Variants in PLCG2 observed in about 807,000 individuals in gnomAD.
PLCG2 encodes the protein 1-phosphatidylinositol 4,5-bisphosphate phosphodiesterase gamma-2.
PLCG2 carries 69 observed loss-of-function variants against 175.6 expected under a neutral mutation model. The ratio of observed to expected loss-of-function variants is 0.39; its 90% CI spans 0.32 to 0.48. PLCG2 has a LOEUF of 0.48. Among genes scored for constraint, PLCG2 ranks in the 20% least tolerant of loss-of-function variants. PLCG2 has a pLI of 0.91. For synonymous variants in PLCG2, 827 were observed against 624.0 expected (o/e 1.33, Z -4.85); for missense variants, 1,798 against 1,650.9 (o/e 1.09, Z -1.54).
chr16:81,768,484 C>T (rs112266520), intron 2 of PLCG2, among the ~76,000 whole-genome samples: 2,489 of 150,770 alleles, frequency 0.017, 63 homozygotes, highest in African/African-American at 0.057. Flanking sequence ...TGTTTTCCAA[C>T]GAGGCTGCAC....
chr16:81,743,015 G>C (rs574043246), intron 1 of PLCG2, among the ~76,000 whole-genome samples: 1 of 152,304 alleles, frequency 6.6e-6, no homozygotes, highest in African/African-American at 2.4e-5. Context: ...AGAAGAACCA[G>C]TCTAGCTGGG....
At chr16:81,939,153 T>C (rs1910836731) in intron 29 of PLCG2, among the ~76,000 whole-genome samples, 1 of 152,130 alleles carries the variant, frequency 6.6e-6, no homozygotes, top group African/African-American at 2.4e-5. Flanking sequence ...GAATCGTAGG[T>C]GAGGCCCTGA....
At chr16:81,905,597 G>C in intron 15 of PLCG2, 90 bp downstream of exon 15, 1 of 760,560 alleles carries the variant, frequency 1.3e-6, no homozygotes, top group Non-Finnish European at 2.3e-6. Context: ...GAATACGCCT[G>C]TCTTGTTCCC....
At chr16:81,878,281 GC>G (rs1166345526) in intron 7 of PLCG2, among the ~76,000 whole-genome samples, 1 of 151,688 alleles carries the variant, frequency 6.6e-6, no homozygotes, top group Non-Finnish European at 1.5e-5. Context: ...ACCGTGCCCG[GC>G]CCAAATCTCC....
At chr16:81,858,438 G>GGA in intron 4 of PLCG2, 82 bp downstream of exon 4, 4 of 580,344 alleles carry the variant, frequency 6.9e-6, no homozygotes, top group Admixed American at 3.3e-5. Flanking sequence ...CTACAGGGGG[G>GGA]AAAAAAAAAA....
At chr16:81,924,245 C>T (rs1000103541) in intron 22 of PLCG2, among the ~76,000 whole-genome samples, 1 of 152,248 alleles carries the variant, frequency 6.6e-6, no homozygotes, top group African/African-American at 2.4e-5. Context: ...TGACTTCTGT[C>T]TGAGAGCAAT....
chr16:81,765,918 G>A (rs921386870), intron 2 of PLCG2, among the ~76,000 whole-genome samples: 1 of 152,246 alleles, frequency 6.6e-6, no homozygotes, highest in Non-Finnish European at 1.5e-5. Context: ...CCCCCACAGG[G>A]AGCTAACTCT....
chr16:81,831,607 A>G (rs1391355195), intron 2 of PLCG2, among the ~76,000 whole-genome samples: 3 of 152,144 alleles, frequency 2.0e-5, no homozygotes, highest in African/African-American at 7.2e-5. Context: ...GCTGGGAAAG[A>G]GGGAGGCAGG....
chr16:81,748,708 C>T (rs1448317296), intron 1 of PLCG2, among the ~76,000 whole-genome samples: 1 of 152,172 alleles, frequency 6.6e-6, no homozygotes, highest in Non-Finnish European at 1.5e-5. Flanking sequence ...ACCCCAGACT[C>T]GGATCTCCTA....
chr16:81,854,805 A>G (rs41303769), intron 3 of PLCG2, among the ~76,000 whole-genome samples: 68 of 152,254 alleles, frequency 4.5e-4, no homozygotes, highest in Non-Finnish European at 8.5e-4. Context: ...TGGGGAGAAT[A>G]ATAATGCCTA....
intron 30 of PLCG2, 57 bp from the exon 31 acceptor site, chr16:81,946,118 A>T: frequency 7.2e-7 from 1 of 1,383,594 alleles, no homozygotes; most frequent in Non-Finnish European, 1.0e-6. Flanking sequence ...TCCAAAAAAA[A>T]TCTAAGGTCT....
chr16:81,777,548 T>G (rs1375122204), upstream of PLCG2, among the ~76,000 whole-genome samples: 3 of 152,058 alleles, frequency 2.0e-5, no homozygotes, highest in Admixed American at 2.0e-4. Flanking sequence ...AATGAGTCCT[T>G]CCAAGATCTC....
chr16:81,786,755 A>T (rs1248238573), intron 2 of PLCG2, among the ~76,000 whole-genome samples: 2 of 152,170 alleles, frequency 1.3e-5, no homozygotes, highest in Admixed American at 1.3e-4. Context: ...AGTTTCTAAG[A>T]CTGTTTTTAA....
chr16:81,806,715 G>A (rs1904282924), intron 2 of PLCG2, among the ~76,000 whole-genome samples: 3 of 152,114 alleles, frequency 2.0e-5, no homozygotes. Flanking sequence ...GTGTGGGGCT[G>A]GGGACATGGA....
At chr16:81,924,820 C>T (rs927005062) in intron 22 of PLCG2, among the ~76,000 whole-genome samples, 1 of 152,240 alleles carries the variant, frequency 6.6e-6, no homozygotes, top group African/African-American at 2.4e-5. Flanking sequence ...GCCTCTGATG[C>T]TTCCCCTTGG....
chr16:81,954,495 T>C (rs1357673607), intron 31 of PLCG2, among the ~76,000 whole-genome samples: 1 of 152,164 alleles, frequency 6.6e-6, no homozygotes, highest in African/African-American at 2.4e-5. Flanking sequence ...CCCACATGCA[T>C]TCCCCATCCG....
At chr16:81,794,467 CT>C (rs1911376322) in intron 2 of PLCG2, among the ~76,000 whole-genome samples, 1 of 152,156 alleles carries the variant, frequency 6.6e-6, no homozygotes, top group African/African-American at 2.4e-5. Context: ...CAACCAATGC[CT>C]GAAGTGTCCA....
rs116566744 is a variant in PLCG2, at chr16:81,902,538, C to T, written c.1362+1758C>T. On this transcript the variant is annotated intron_variant, in intron 14 of 32. Coordinates refer to ENST00000564138, the MANE Select transcript of PLCG2 (RefSeq NM_002661.5). ...TCTGGGACATGGAGATATCTTTGGC[C>T]TCTTTTATAAGGGCACCATTCCCAT... 2.2e-3 allele frequency among the ~76,000 whole-genome samples: 337 copies of T among 152,128 alleles called. 5 individuals are homozygous for T. The highest frequency in any genetic ancestry group is 7.7e-3 in the African/African-American group (318 of 41,478).
chr16:81,838,635 C>T (rs1254183927), intron 2 of PLCG2, among the ~76,000 whole-genome samples: 2 of 151,848 alleles, frequency 1.3e-5, no homozygotes, highest in African/African-American at 4.8e-5. Flanking sequence ...GGAGGGAGAG[C>T]GTTAGGACAA....
Sources: allele counts gnomAD v4.1 joint callset (sites outside exome capture counted in the v4.1 genomes callset), GRCh38; gene constraint gnomAD v4.1.1; transcripts MANE v1.5; gene names NCBI Gene and HGNC (gene_info 2026-07-23, HGNC 2026-07-21).